The following RYR2 variants were observed in gnomAD, a reference collection of about 807,000 sequenced individuals.
RYR2 encodes ryanodine receptor 2, also known as cardiac muscle ryanodine receptor-calcium release channel.
Under a neutral mutation model 601.1 loss-of-function variants are expected in RYR2, and 227 were observed. That is an observed-to-expected ratio of 0.38 (90% CI 0.34 to 0.42). The LOEUF is 0.42. Ranked by LOEUF, RYR2 falls within the 10% of genes least tolerant of loss-of-function variation. RYR2 has a pLI of 1.00. For synonymous variants in RYR2, 2,223 were observed against 2,175.1 expected (o/e 1.02, Z -0.61); for missense variants, 4,646 against 6,156.5 (o/e 0.75, Z 8.21).
chr1:237,752,848 G>A (rs10495401), intron 80 of RYR2, among the ~76,000 whole-genome samples: 79,310 of 151,976 alleles, frequency 0.52, 21,076 homozygotes, highest in Non-Finnish European at 0.58. Flanking sequence ...GACTTATGAC[G>A]TTACTAAATT....
intron 1 of RYR2, among the ~76,000 whole-genome samples, chr1:237,108,379 G>A (rs1413237728): frequency 6.6e-6 from 1 of 152,182 alleles, no homozygotes; most frequent in Non-Finnish European, 1.5e-5. Context: ...CCTCATAGAG[G>A]CTTGGCTGGA....
intron 25 of RYR2, among the ~76,000 whole-genome samples, chr1:237,542,244 T>C (rs2779374): frequency 0.58 from 88,207 of 151,764 alleles, 26,834 homozygotes; most frequent in East Asian, 0.86. Context: ...GAGGCATGCA[T>C]CACCACACCC....
chr1:237,152,128 G>A lies in RYR2; in HGVS notation c.48+109559G>A, dbSNP rs150743360. Among the ~76,000 whole-genome samples, 376 of 152,162 alleles carry A rather than the reference G, an allele frequency of 2.5e-3. 1 individual carries two copies. The highest frequency in any genetic ancestry group is 7.5e-3 in the African/African-American group (312 of 41,510). ...TGTTTGGTTTTCTGTTCCTGTGTTC[G>A]TTTGCTGAGGATGATGGTTTCCAGC... On this transcript the variant is annotated intron_variant, in intron 1 of 104. Transcript: ENST00000366574.
intron 1 of RYR2, among the ~76,000 whole-genome samples, chr1:237,116,532 C>T (rs144970549): frequency 6.9e-4 from 104 of 151,510 alleles, no homozygotes; most frequent in African/African-American, 2.4e-3. Context: ...TATATTTATA[C>T]ACATGTACAC....
At chr1:237,294,433 C>G (rs991125927) in intron 2 of RYR2, among the ~76,000 whole-genome samples, 1 of 150,844 alleles carries the variant, frequency 6.6e-6, no homozygotes, top group African/African-American at 2.4e-5. Context: ...CTAAGTTATG[C>G]TTTGATAAGA....
intron 1 of RYR2, among the ~76,000 whole-genome samples, chr1:237,176,263 A>G (rs1009759769): frequency 1.7e-5 from 1 of 59,484 alleles, no homozygotes; most frequent in South Asian, 6.0e-4. Flanking sequence ...ATATATATAT[A>G]TAAAAAATGA....
chr1:237,742,255 A>G (rs910616455), intron 79 of RYR2, 41 bp from the exon 80 acceptor site: 2 of 1,349,974 alleles, frequency 1.5e-6, no homozygotes, highest in Non-Finnish European at 2.0e-6. Context: ...TAAAATCTCA[A>G]CATATTCCTG....
chr1:237,081,284 A>T (rs1445617063), intron 1 of RYR2, among the ~76,000 whole-genome samples: 12 of 145,342 alleles, frequency 8.3e-5, no homozygotes, highest in East Asian at 2.0e-4. Flanking sequence ...GTATAATAAA[A>T]AAAAAAAAAA....
intron 19 of RYR2, among the ~76,000 whole-genome samples, chr1:237,495,980 T>A (rs529196565): frequency 6.6e-6 from 1 of 152,252 alleles, no homozygotes; most frequent in East Asian, 1.9e-4. Context: ...GCAAAACTGC[T>A]GATGGAATGT....
intron 23 of RYR2, among the ~76,000 whole-genome samples, chr1:237,510,306 AT>A (rs923691131): frequency 3.3e-5 from 5 of 152,160 alleles, no homozygotes; most frequent in Admixed American, 2.6e-4. Flanking sequence ...TTCTGGTTTC[AT>A]TGAGACACTT....
At chr1:237,406,414 T>G (rs1352707236) in intron 10 of RYR2, among the ~76,000 whole-genome samples, 1 of 151,610 alleles carries the variant, frequency 6.6e-6, no homozygotes, top group African/African-American at 2.4e-5. Context: ...TTAGTGTTTG[T>G]TTTTGGCTAA....
intron 86 of RYR2, 68 bp from the exon 87 acceptor site, chr1:237,773,452 A>G: frequency 8.6e-7 from 1 of 1,161,426 alleles, no homozygotes; most frequent in Non-Finnish European, 1.3e-6. Flanking sequence ...ATAAAGTCCA[A>G]GACTGGTTAG....
intron 2 of RYR2, among the ~76,000 whole-genome samples, chr1:237,325,080 T>C (rs976302706): frequency 2.0e-5 from 3 of 152,206 alleles, no homozygotes; most frequent in African/African-American, 7.2e-5. Flanking sequence ...GTCATTGTAT[T>C]AGGGCTGCTG....
intron 38 of RYR2, among the ~76,000 whole-genome samples, chr1:237,622,634 T>A (rs996935817): frequency 6.6e-6 from 1 of 152,062 alleles, no homozygotes; most frequent in African/African-American, 2.4e-5. Flanking sequence ...TTCAGAAAAA[T>A]TCCACAAAGT....
chr1:237,044,374 G>C (rs1660301472), intron 1 of RYR2, among the ~76,000 whole-genome samples: 1 of 152,164 alleles, frequency 6.6e-6, no homozygotes, highest in Non-Finnish European at 1.5e-5. Flanking sequence ...GGGCTTAACT[G>C]TTAAGCCGAG....
At chr1:237,578,903 C>T (rs577276374) in intron 29 of RYR2, among the ~76,000 whole-genome samples, 1 of 152,256 alleles carries the variant, frequency 6.6e-6, no homozygotes, top group South Asian at 2.1e-4. Context: ...GTCCTGGCCA[C>T]ATGGAGAAAT....
At chr1:237,749,435 A>G (rs1692357062) in intron 80 of RYR2, among the ~76,000 whole-genome samples, 2 of 151,158 alleles carry the variant, frequency 1.3e-5, no homozygotes, top group African/African-American at 4.9e-5. Flanking sequence ...AATATTTGCT[A>G]TTATTATTAT....
chr1:237,117,667 TCTTC>T (rs1163585644), intron 1 of RYR2, among the ~76,000 whole-genome samples: 40 of 141,434 alleles, frequency 2.8e-4, no homozygotes, highest in East Asian at 8.3e-4. Context: ...TCTTCTCTTC[TCTTC>T]CTTCTCTTCT....
rs192540202 is a variant in RYR2 at position 237,348,241 on chromosome 1, C to G, written c.274-7724C>G. ...GCTCAAGCAATCCTCTCTCAAGTAG[C>G]TTGGATAACTGGCATGCACCACTAT... On this transcript the variant is annotated intron_variant, in intron 3 of 104. Transcript: ENST00000366574. 3.3e-3 allele frequency among the ~76,000 whole-genome samples: 501 copies of G among 152,260 alleles called. 5 individuals are homozygous for G. Among genetic ancestry groups the G allele is most frequent in the Non-Finnish European group, 5.9e-3 (398 of 68,024 alleles).
Sources: allele counts gnomAD v4.1 joint callset (sites outside exome capture counted in the v4.1 genomes callset), GRCh38; gene constraint gnomAD v4.1.1; transcripts MANE v1.5; gene names NCBI Gene and HGNC (gene_info 2026-07-23, HGNC 2026-07-21).